Variants in SETBP1 observed in about 807,000 individuals in gnomAD.
SETBP1 encodes SET-binding protein.
Under a neutral mutation model 101.0 loss-of-function variants are expected in SETBP1, and 9 were observed. That is an observed-to-expected ratio of 0.09 (90% CI 0.05 to 0.16). The LOEUF (loss-of-function observed/expected upper bound fraction) is 0.16. Ranked by LOEUF, SETBP1 falls within the 10% of genes least tolerant of loss-of-function variation. The pLI, the probability that SETBP1 is intolerant of heterozygous loss-of-function variation, is 1.00. For missense variants in SETBP1, 1,858 were observed against 2,033.8 expected, an observed-to-expected ratio of 0.91 and a Z score of 1.66; for synonymous variants, 818 against 788.5, an observed-to-expected ratio of 1.04 and a Z score of -0.63.
chr18:44,778,393 T>C (rs2071052184), intron 2 of SETBP1, among the ~76,000 whole-genome samples: 1 of 152,196 alleles, frequency 6.6e-6, no homozygotes, highest in Non-Finnish European at 1.5e-5. Flanking sequence ...GACTTAGGGT[T>C]AAGAAGTTCA....
intron 3 of SETBP1, among the ~76,000 whole-genome samples, chr18:44,898,205 A>T (rs144354433): frequency 6.6e-6 from 1 of 152,256 alleles, no homozygotes; most frequent in South Asian, 2.1e-4. Context: ...CCACACCACT[A>T]CTTGATTCTA....
At chr18:45,018,410 T>C (rs1033694727) in intron 4 of SETBP1, among the ~76,000 whole-genome samples, 2 of 152,236 alleles carry the variant, frequency 1.3e-5, no homozygotes, top group African/African-American at 4.8e-5. Context: ...TACCAAACAC[T>C]GTGTACTTCC....
chr18:44,786,570 A>G (rs1485993349), intron 2 of SETBP1, among the ~76,000 whole-genome samples: 2 of 152,240 alleles, frequency 1.3e-5, no homozygotes, highest in East Asian at 3.8e-4. Context: ...CTTGGTAAAG[A>G]TCAAGGGTAA....
chr18:44,926,172 A>T (rs1273511301), intron 3 of SETBP1, among the ~76,000 whole-genome samples: 3 of 152,088 alleles, frequency 2.0e-5, no homozygotes, highest in Non-Finnish European at 2.9e-5. Flanking sequence ...GGTTCAAGTG[A>T]TCGCCCCACC....
chr18:44,897,582 T>G (rs558485102), intron 3 of SETBP1, among the ~76,000 whole-genome samples: 1 of 152,220 alleles, frequency 6.6e-6, no homozygotes, highest in East Asian at 1.9e-4. Context: ...TTTATAGCAT[T>G]AATTGAGTTG....
At position 45,063,491 on chromosome 18, in the gene SETBP1, G is replaced by T. The variant is rs1390650078; in HGVS notation, c.4584G>T (p.Pro1528=). 5 of 1,051,294 alleles carry T rather than the reference G, an allele frequency of 4.8e-6. No homozygotes were observed. Among genetic ancestry groups the T allele is most frequent in the Non-Finnish European group, 5.9e-6 (5 of 850,348 alleles). 65.1% of individuals were successfully genotyped at this position (1,051,294 alleles called of 1,614,324 possible). Residue 1528 remains proline (P), a synonymous_variant, in exon 6 of 6, where the codon CCG becomes CCT. Coordinates refer to ENST00000649279, the MANE Select transcript of SETBP1 (RefSeq NM_015559.3). The part of the protein sequence containing the change: ...EAPPLPPPPP[P]PLPPPPPPPL... ...CGCCCCTGCCCCCGCCACCGCCGCC[G>T]CCCCTGCCGCCACCGCCGCCACCAC...
chr18:44,750,340 G>A (rs1290016830), intron 2 of SETBP1, among the ~76,000 whole-genome samples: 3 of 152,120 alleles, frequency 2.0e-5, no homozygotes, highest in Non-Finnish European at 4.4e-5. Flanking sequence ...GGGCAGAGAG[G>A]GGAAGCTCTG....
chr18:44,911,264 A>T (rs1356683779), intron 3 of SETBP1, among the ~76,000 whole-genome samples: 1 of 152,186 alleles, frequency 6.6e-6, no homozygotes, highest in Non-Finnish European at 1.5e-5. Flanking sequence ...CATAAGTGGA[A>T]CCTGTCTTAG....
At chr18:44,824,822 G>T (rs1404265007) in intron 2 of SETBP1, among the ~76,000 whole-genome samples, 1 of 152,174 alleles carries the variant, frequency 6.6e-6, no homozygotes, top group African/African-American at 2.4e-5. Context: ...TGATTGCCTA[G>T]GGAAGCAGAT....
intron 2 of SETBP1, among the ~76,000 whole-genome samples, chr18:44,868,227 T>G (rs1241698771): frequency 6.6e-6 from 1 of 152,218 alleles, no homozygotes; most frequent in African/African-American, 2.4e-5. Flanking sequence ...TATTCTTTTA[T>G]GTTGTATATG....
intron 2 of SETBP1, among the ~76,000 whole-genome samples, chr18:44,843,754 T>C (rs1390484509): frequency 1.3e-5 from 2 of 152,172 alleles, no homozygotes; most frequent in Non-Finnish European, 2.9e-5. Context: ...AGGTGATTCA[T>C]GGTTTATCCA....
intron 3 of SETBP1, among the ~76,000 whole-genome samples, chr18:44,948,417 C>A (rs753375948): frequency 2.6e-5 from 4 of 151,874 alleles, no homozygotes; most frequent in Non-Finnish European, 5.9e-5. Context: ...TTAACAGGGG[C>A]TGTAAGACAT....
chr18:44,957,305 T>G (rs905253729), intron 4 of SETBP1, among the ~76,000 whole-genome samples: 9 of 152,036 alleles, frequency 5.9e-5, no homozygotes, highest in African/African-American at 2.2e-4. Context: ...GGAAACAATC[T>G]TTGCATACTT....
chr18:44,826,075 T>C (rs2072231675), intron 2 of SETBP1, among the ~76,000 whole-genome samples: 1 of 152,236 alleles, frequency 6.6e-6, no homozygotes, highest in South Asian at 2.1e-4. Flanking sequence ...TTTTTGTAAC[T>C]AAATGTGATT....
chr18:45,053,065 A>G (rs2073748779), intron 5 of SETBP1, among the ~76,000 whole-genome samples: 1 of 152,340 alleles, frequency 6.6e-6, no homozygotes, highest in East Asian at 1.9e-4. Flanking sequence ...TGTTTATTTG[A>G]AAGTGTTTAA....
chr18:45,064,530 C>T lies in SETBP1; in HGVS notation c.*832C>T, dbSNP rs1296096252. ...CTGTTCCAAGAACCTGGGTTTGAAT[C>T]CCAATCGTTGTGAAACATACTCAGT... On this transcript the variant is annotated 3_prime_UTR_variant, in exon 6 of 6. Transcript: ENST00000649279. The T allele has an allele frequency of 6.6e-6, 1 of 152,008 alleles. No individual in the cohort carries two copies. Among genetic ancestry groups the T allele is most frequent in the African/African-American group, 2.4e-5 (1 of 41,364 alleles). The allele number at this position is 152,008 out of a possible 1,614,324, so 9.4% of individuals were successfully genotyped here.
At chr18:44,811,833 T>A (rs969017403) in intron 2 of SETBP1, among the ~76,000 whole-genome samples, 1 of 152,162 alleles carries the variant, frequency 6.6e-6, no homozygotes, top group Non-Finnish European at 1.5e-5. Flanking sequence ...GGATCCCCCA[T>A]AGAGATCAGA....
chr18:45,030,324 C>A (rs1412552038), intron 4 of SETBP1, among the ~76,000 whole-genome samples: 1 of 123,308 alleles, frequency 8.1e-6, no homozygotes, highest in Non-Finnish European at 1.7e-5. Flanking sequence ...TATTGATTTG[C>A]GTATATTGAA....
At chr18:44,774,685 T>C (rs564352823) in intron 2 of SETBP1, among the ~76,000 whole-genome samples, 2 of 152,248 alleles carry the variant, frequency 1.3e-5, no homozygotes, top group African/African-American at 4.8e-5. Context: ...ATCTAACTCT[T>C]CTACAGACAC....
Sources: gnomAD v4.1 joint callset for allele counts (sites outside exome capture counted in the v4.1 genomes callset) on GRCh38, gnomAD v4.1.1 for gene constraint, MANE v1.5 for transcripts, NCBI Gene and HGNC (gene_info 2026-07-23, HGNC 2026-07-21) for gene names.